PTPRD: variants seen among roughly 807,000 people sequenced by gnomAD.
The protein encoded by PTPRD is protein tyrosine phosphatase receptor type D.
PTPRD carries 34 observed loss-of-function variants against 214.5 expected under a neutral mutation model. The observed-to-expected ratio is 0.16, with a 90% CI of 0.12 to 0.21. The LOEUF (loss-of-function observed/expected upper bound fraction) is 0.21. PTPRD is among the 10% of genes least tolerant of loss of function. PTPRD has a pLI of 1.00. For missense variants in PTPRD, 2,545 were observed against 2,398.7 expected, an observed-to-expected ratio of 1.06 and a Z score of -1.27; for synonymous variants, 1,128 against 845.7, an observed-to-expected ratio of 1.33 and a Z score of -5.79.
intron 14 of PTPRD, among the ~76,000 whole-genome samples, chr9:8,567,347 AC>A (rs2089636103): frequency 6.6e-6 from 1 of 152,172 alleles, no homozygotes; most frequent in South Asian, 2.1e-4. Context: ...CTCAGGAGTC[AC>A]TTTCTCCAAA....
At chr9:9,320,698 C>T (rs1966055887) in intron 9 of PTPRD, among the ~76,000 whole-genome samples, 1 of 152,148 alleles carries the variant, frequency 6.6e-6, no homozygotes, top group Non-Finnish European at 1.5e-5. Flanking sequence ...CTAAACTCCT[C>T]TTAGTTTATT....
intron 11 of PTPRD, among the ~76,000 whole-genome samples, chr9:8,775,621 C>A (rs1003949106): frequency 3.9e-5 from 6 of 152,110 alleles, no homozygotes; most frequent in African/African-American, 1.2e-4. Context: ...GGGGTACATA[C>A]ACAGGTTTAC....
intron 12 of PTPRD, among the ~76,000 whole-genome samples, chr9:8,650,441 C>T (rs1404430350): frequency 6.7e-6 from 1 of 150,294 alleles, no homozygotes; most frequent in Non-Finnish European, 1.5e-5. Flanking sequence ...AGGAGAATCG[C>T]TTGAACCTGG....
chr9:10,470,791 AGTT>A (rs2099025508), intron 2 of PTPRD, among the ~76,000 whole-genome samples: 1 of 152,214 alleles, frequency 6.6e-6, no homozygotes, highest in Non-Finnish European at 1.5e-5. Context: ...CTTTAGTATC[AGTT>A]CTCAAAAGGA....
At chr9:9,675,608 T>C in intron 7 of PTPRD, among the ~76,000 whole-genome samples, 1 of 151,916 alleles carries the variant, frequency 6.6e-6, no homozygotes, top group East Asian at 1.9e-4. Flanking sequence ...TATAAAAATT[T>C]AATCCAATAA....
At chr9:10,037,538 A>G (rs2097207155) in intron 3 of PTPRD, among the ~76,000 whole-genome samples, 1 of 147,082 alleles carries the variant, frequency 6.8e-6, no homozygotes, top group Non-Finnish European at 1.5e-5. Flanking sequence ...AACCTCTTTT[A>G]TTTATAAATT....
chr9:8,693,855 G>A (rs1174488267), intron 12 of PTPRD, among the ~76,000 whole-genome samples: 1 of 152,196 alleles, frequency 6.6e-6, no homozygotes, highest in African/African-American at 2.4e-5. Context: ...TTGCTTGAAT[G>A]TATTTTTGTA....
chr9:8,900,485 G>C (rs191051910), intron 11 of PTPRD, among the ~76,000 whole-genome samples: 306 of 152,268 alleles, frequency 2.0e-3, no homozygotes, highest in Admixed American at 5.6e-3. Flanking sequence ...GGTCCAAACT[G>C]TTCATTTTCA....
chr9:8,706,782 T>C (rs902658536), intron 12 of PTPRD, among the ~76,000 whole-genome samples: 5 of 152,194 alleles, frequency 3.3e-5, no homozygotes, highest in Non-Finnish European at 7.3e-5. Flanking sequence ...TGCATCTGCA[T>C]AGCTTGGCGT....
intron 11 of PTPRD, among the ~76,000 whole-genome samples, chr9:8,868,108 G>C (rs1400957988): frequency 6.6e-6 from 1 of 152,132 alleles, no homozygotes; most frequent in Admixed American, 6.6e-5. Flanking sequence ...ATTAGAATCT[G>C]TACCACCTTT....
intron 9 of PTPRD, among the ~76,000 whole-genome samples, chr9:9,229,424 G>A (rs770450395): frequency 6.6e-6 from 1 of 152,136 alleles, no homozygotes; most frequent in Non-Finnish European, 1.5e-5. Context: ...AAGTCTGGCC[G>A]GCCTGTTCCT....
intron 30 of PTPRD, among the ~76,000 whole-genome samples, chr9:8,474,971 A>C (rs1018896247): frequency 1.3e-5 from 2 of 152,116 alleles, no homozygotes; most frequent in Non-Finnish European, 2.9e-5. Flanking sequence ...CTCCTTCCCC[A>C]TTTGATCCCA....
intron 10 of PTPRD, among the ~76,000 whole-genome samples, chr9:9,130,445 CTAATT>C (rs1226259235): frequency 2.0e-5 from 3 of 152,122 alleles, no homozygotes; most frequent in African/African-American, 7.2e-5. Context: ...CACTGTGTTA[CTAATT>C]TAATAGTCTA....
At chr9:8,389,471 T>C in intron 36 of PTPRD, 64 bp from the exon 37 acceptor site, 1 of 1,270,272 alleles carries the variant, frequency 7.9e-7, no homozygotes, top group African/African-American at 1.5e-5. Flanking sequence ...GCCTGGGACA[T>C]GACCTAATGG....
chr9:9,427,541 G>C (rs149199480), intron 8 of PTPRD, among the ~76,000 whole-genome samples: 16,596 of 120,136 alleles, frequency 0.14, 1,169 homozygotes, highest in Middle Eastern at 0.27. Context: ...GGCCAACATT[G>C]AAATCAGGAA....
chr9:9,314,769 T>C (rs955193164), intron 9 of PTPRD, among the ~76,000 whole-genome samples: 1 of 152,108 alleles, frequency 6.6e-6, no homozygotes, highest in Non-Finnish European at 1.5e-5. Context: ...TTCTCTAATT[T>C]AACAAAACGA....
intron 11 of PTPRD, among the ~76,000 whole-genome samples, chr9:8,905,581 A>T (rs2098701969): frequency 6.6e-6 from 1 of 151,926 alleles, no homozygotes; most frequent in Non-Finnish European, 1.5e-5. Flanking sequence ...TCTACTAAAA[A>T]TACAAAAATT....
intron 7 of PTPRD, among the ~76,000 whole-genome samples, chr9:9,680,361 C>T (rs1422366660): frequency 4.0e-5 from 6 of 151,768 alleles, no homozygotes; most frequent in Admixed American, 4.0e-4. Context: ...AAAAGAAAAG[C>T]TTATTTCGGC....
chr9:10,346,551 T>C (rs2097087085), intron 2 of PTPRD, among the ~76,000 whole-genome samples: 1 of 152,256 alleles, frequency 6.6e-6, no homozygotes, highest in Admixed American at 6.5e-5. Flanking sequence ...CTGCAAGTGA[T>C]ATTAGAATTC....
Sources: gnomAD v4.1 joint callset for allele counts (sites outside exome capture counted in the v4.1 genomes callset) on GRCh38, gnomAD v4.1.1 for gene constraint, MANE v1.5 for transcripts, NCBI Gene and HGNC (gene_info 2026-07-23, HGNC 2026-07-21) for gene names.